The following PIEZO1 variants were observed in gnomAD, a reference collection of about 807,000 sequenced individuals.
The protein encoded by PIEZO1 is piezo type mechanosensitive ion channel component 1 (Er blood group).
In PIEZO1, 296 loss-of-function variants were observed where a neutral mutation model predicts 297.2. That is an observed-to-expected ratio of 1.00 (90% CI 0.91 to 1.10). PIEZO1 has a LOEUF of 1.10. Ranked by LOEUF, PIEZO1 falls within the 50% of genes least tolerant of loss-of-function variation. The pLI is 0.00. For synonymous variants in PIEZO1, 2,427 were observed against 1,507.5 expected (o/e 1.61, Z -14.13); for missense variants, 5,018 against 3,455.5 (o/e 1.45, Z -11.34).
chr16:88,754,975 C>T lies in PIEZO1; in HGVS notation c.65-5496G>A, dbSNP rs185783289. ...CCAGGCCCAGCAGCTGAACCTCCCA[C>T]CCGAGGACACCTGTTGCGCCCCAGG... On this transcript the variant is annotated intron_variant, in intron 1 of 50. Coordinates refer to ENST00000301015, the MANE Select transcript of PIEZO1 (RefSeq NM_001142864.4). 1.4e-3 allele frequency among the ~76,000 whole-genome samples: 220 copies of T among 152,372 alleles called. 1 individual carries two copies. Among genetic ancestry groups the T allele is most frequent in the Admixed American group, 3.3e-3 (50 of 15,314 alleles).
At chr16:88,758,469 C>T (rs181033530) in intron 1 of PIEZO1, among the ~76,000 whole-genome samples, 1 of 152,228 alleles carries the variant, frequency 6.6e-6, no homozygotes, top group African/African-American at 2.4e-5. Context: ...CAGTCATACC[C>T]GTGGCTCATA....
At chr16:88,717,939 C>CAAAAATACAAA in intron 44 of PIEZO1, 1 of 373,584 alleles carries the variant, frequency 2.7e-6, no homozygotes, top group Admixed American at 3.9e-5. Context: ...AAAGACTAGC[C>CAAAAATACAAA]AGGCCTGGTG....
chr16:88,720,302 A>G lies in PIEZO1; in HGVS notation c.5950-19T>C, dbSNP rs1218430887. 2.6e-6 allele frequency: 4 copies of G among 1,550,198 alleles called. No individual in the cohort carries two copies. The highest frequency in any genetic ancestry group is 1.7e-4 in the Middle Eastern group (1 of 5,992). On this transcript the variant is annotated intron_variant, in intron 41 of 50. Coordinates refer to ENST00000301015, the MANE Select transcript of PIEZO1 (RefSeq NM_001142864.4). ...AGTGCTTCTGTGGCCAGGAGAGCAC[A>G]GGTCAGGGGGAGCCAAGCCCAGGGG...
chr16:88,725,718 G>T, intron 27 of PIEZO1, 34 bp from the exon 28 acceptor site: 5 of 1,148,606 alleles, frequency 4.4e-6, no homozygotes, highest in Non-Finnish European at 6.4e-6. Flanking sequence ...GTGAGCACCA[G>T]GCACTCGACC....
Position 88,726,459 on chromosome 16 carries a change from C to A in PIEZO1, c.3797-4G>T, listed in dbSNP as rs1190546391. On this transcript the variant is annotated splice_polypyrimidine_tract_variant and splice_region_variant and intron_variant, in intron 26 of 50. Transcript: ENST00000301015. Reference sequence around the variant, plus strand: ...TCTCTGTCCATCATCTCCTTGGCTGCAAGGCAGGCACCGGCAAGGGTCAGG... The same window carrying A: ...TCTCTGTCCATCATCTCCTTGGCTGAAAGGCAGGCACCGGCAAGGGTCAGG... The A allele has an allele frequency of 3.6e-5, 55 of 1,549,076 alleles. 1 individual carries two copies. The East Asian group carries it at 1.3e-3, about 37-fold the overall frequency.
intron 22 of PIEZO1, among the ~76,000 whole-genome samples, chr16:88,731,005 G>A (rs996440604): frequency 5.3e-5 from 8 of 152,216 alleles, no homozygotes; most frequent in Non-Finnish European, 1.0e-4. Context: ...AGCCGGCCAC[G>A]TGCACAAATG....
chr16:88,737,346 G>T (rs1905289326), intron 10 of PIEZO1: 4 of 538,334 alleles, frequency 7.4e-6, no homozygotes, highest in Admixed American at 3.5e-5. Context: ...TGCCCTGGGG[G>T]TCTTGGGGGT....
At chr16:88,720,316 CA>C (rs1163008534) in intron 41 of PIEZO1, 33 bp from the exon 42 acceptor site, 3 of 1,550,074 alleles carry the variant, frequency 1.9e-6, no homozygotes, top group Admixed American at 3.9e-5. Context: ...CAGGGGGAGC[CA>C]AGCCCAGGGG....
chr16:88,725,871 C>T (rs1904388503), intron 27 of PIEZO1, 187 bp from the exon 28 acceptor site: 3 of 600,580 alleles, frequency 5.0e-6, no homozygotes, highest in Middle Eastern at 4.4e-4. Context: ...AGGACAGGCC[C>T]TTCTGCCGTA....
In PIEZO1 at chr16:88,737,925, G is replaced by A; in HGVS notation, c.1020+9C>T. ...CTCAGCCCACCCACCATGGGTGGCA[G>A]GTGCTCACCTGGCCGGAGGGGCGGT... On this transcript the variant is annotated intron_variant, in intron 8 of 50. Transcript: ENST00000301015. The A allele has an allele frequency of 6.5e-7, 1 of 1,529,894 alleles. No individual in the cohort carries two copies. Among genetic ancestry groups the A allele is most frequent in the South Asian group, 1.2e-5 (1 of 83,728 alleles). The allele number at this position is 1,529,894 out of a possible 1,614,324, so 94.8% of individuals were successfully genotyped here. A position where few individuals can be genotyped will look rare whatever the true frequency, so the allele number is the denominator to read the frequency against.
At chr16:88,738,792 C>A in intron 5 of PIEZO1, 56 bp from the exon 6 acceptor site, 1 of 1,434,822 alleles carries the variant, frequency 7.0e-7, no homozygotes, top group South Asian at 1.3e-5. Context: ...CGCCACCTCT[C>A]CAGCCCACAC....
rs1415627924 is a variant in PIEZO1 at position 88,738,629 on chromosome 16, C to T, written c.573G>A (p.Thr191=). The T allele has an allele frequency of 7.8e-6, 12 of 1,535,582 alleles. No individual in the cohort carries two copies. The East Asian group carries it at 9.8e-5, about 13-fold the overall frequency. The change falls in exon 6 of 51, where the codon ACG becomes ACA. Residue 191 remains threonine (T), a synonymous_variant. Coordinates refer to ENST00000301015, the MANE Select transcript of PIEZO1 (RefSeq NM_001142864.4). The part of the protein sequence containing the change: ...RSRLAARFRV[T]AHWLLVAAGR... ...CAGCCGCCACCAGCAGCCAGTGGGCCGTGACTCGGAAACGAGCGGCCAGCC... is the reference window on the plus strand; with the variant it reads ...CAGCCGCCACCAGCAGCCAGTGGGCTGTGACTCGGAAACGAGCGGCCAGCC...
rs200851830 is a variant in PIEZO1, at chr16:88,757,327, TG to T, written c.65-7849del. Among the ~76,000 whole-genome samples the T allele has an allele frequency of 5.9e-4, 25 of 42,700 alleles. 1 individual carries two copies. The highest frequency in any genetic ancestry group is 1.2e-3 in the African/African-American group (19 of 15,342). 28.0% of individuals were successfully genotyped at this position (42,700 alleles called of 152,430 possible). A position where few individuals can be genotyped will look rare whatever the true frequency, so the allele number is the denominator to read the frequency against. ...GCAGGGGGCGTTGCTGGCGGGGGGG[TG>T]GGGGGTAGTTACCTAACCTGCCTGC... On this transcript the variant is annotated intron_variant, in intron 1 of 50. Coordinates refer to ENST00000301015, the MANE Select transcript of PIEZO1 (RefSeq NM_001142864.4).
intron 1 of PIEZO1, among the ~76,000 whole-genome samples, chr16:88,781,378 C>G (rs1418503515): frequency 6.6e-6 from 1 of 152,232 alleles, no homozygotes; most frequent in Non-Finnish European, 1.5e-5. Flanking sequence ...GGACGAGCAC[C>G]CGCTGTGACC....
rs1904305619 is a variant in PIEZO1 at position 88,723,982 on chromosome 16, G to C, written c.4235-11C>G. 1.3e-6 allele frequency: 2 copies of C among 1,484,842 alleles called. No homozygotes were observed. The highest frequency in any genetic ancestry group is 1.8e-6 in the Non-Finnish European group (2 of 1,087,394). The allele number at this position is 1,484,842 out of a possible 1,614,324, so 92.0% of individuals were successfully genotyped here. ...CCCCGGAGTGGATGACTGTGGGCAG[G>C]CAGCACTGAGAGCCAGCCTTCCATG... On this transcript the variant is annotated splice_polypyrimidine_tract_variant and intron_variant, in intron 30 of 50. Transcript: ENST00000301015.
rs2142744633 is a variant in PIEZO1, at chr16:88,715,631, T to G, written c.7540A>C (p.Ile2514Leu). The G allele has an allele frequency of 6.5e-7, 1 of 1,550,104 alleles. No homozygotes were observed. Among genetic ancestry groups the G allele is most frequent in the Non-Finnish European group, 8.7e-7 (1 of 1,146,888 alleles). Residue 2514 changes from isoleucine to leucine, a missense_variant, in exon 51 of 51, where the codon ATC becomes CTC. Ile to Leu is a conservative substitution (Grantham distance 5). Coordinates refer to ENST00000301015, the MANE Select transcript of PIEZO1 (RefSeq NM_001142864.4). ...TACTCCTTCTCACGAGTCCACTTGA[T>G]CATGGTCTCCGGTGAGCGGTAGAGG... ...IFLYRSPETMIKWTREKE is the reference protein window; with the variant it reads ...IFLYRSPETMLKWTREKE
rs1173249935 is a variant in PIEZO1 at position 88,719,680 on chromosome 16, A to C, written c.6365T>G (p.Met2122Arg). ...CGTGGTGTCCGTCCACACCCAGTCC[A>C]TCACTGCCCGCAGCTCCACCAGGAA... Reference protein sequence around the residue: ...VPFLVELRAVMDWVWTDTTLS... With the variant: ...VPFLVELRAVRDWVWTDTTLS... Residue 2122 changes from methionine to arginine, a missense_variant, in exon 44 of 51, where the codon ATG (methionine) becomes AGG (arginine). Met to Arg is a moderately conservative substitution (Grantham distance 91, BLOSUM62 -1). Transcript: ENST00000301015. 1 of 1,552,902 alleles carries C rather than the reference A, an allele frequency of 6.4e-7. No individual in the cohort carries two copies. The highest frequency in any genetic ancestry group is 1.4e-5 in the African/African-American group (1 of 73,060).
chr16:88,758,030 T>C (rs1169843327), intron 1 of PIEZO1, among the ~76,000 whole-genome samples: 1 of 152,196 alleles, frequency 6.6e-6, no homozygotes, highest in East Asian at 1.9e-4. Flanking sequence ...GCAGAGAGGA[T>C]ATAGGGCTAG....
At chr16:88,722,174 C>A (rs561049680) in intron 36 of PIEZO1, 44 bp downstream of exon 36, 3 of 1,530,240 alleles carry the variant, frequency 2.0e-6, no homozygotes, top group Non-Finnish European at 2.6e-6. Flanking sequence ...GGCTGCTCCC[C>A]GAGGGCCATG....
Sources: allele counts gnomAD v4.1 joint callset (sites outside exome capture counted in the v4.1 genomes callset), GRCh38; gene constraint gnomAD v4.1.1; transcripts MANE v1.5; gene names NCBI Gene and HGNC (gene_info 2026-07-23, HGNC 2026-07-21).